Variants in CHRM2 observed in about 807,000 individuals in gnomAD.
CHRM2 encodes cholinergic receptor muscarinic 2.
In CHRM2, 8 loss-of-function variants were observed where a neutral mutation model predicts 25.0. The ratio of observed to expected loss-of-function variants is 0.32; its 90% CI spans 0.19 to 0.58. The LOEUF is 0.58. Ranked by LOEUF, CHRM2 falls within the 20% of genes least tolerant of loss-of-function variation. The pLI, the probability that CHRM2 is intolerant of heterozygous loss-of-function variation, is 0.88. For missense variants in CHRM2, 440 were observed against 567.1 expected (o/e 0.78, Z 2.28); for synonymous variants, 202 against 205.7 (o/e 0.98, Z 0.15).
chr7:136,916,574 G>A (rs567160545), intron 2 of CHRM2, among the ~76,000 whole-genome samples: 1 of 151,196 alleles, frequency 6.6e-6, no homozygotes, highest in South Asian at 2.1e-4. Flanking sequence ...CCGCTTCAAA[G>A]TTTATATTGT....
At chr7:136,988,831 G>A (rs1803029331) in intron 2 of CHRM2, among the ~76,000 whole-genome samples, 1 of 151,720 alleles carries the variant, frequency 6.6e-6, no homozygotes, top group African/African-American at 2.4e-5. Context: ...GTTGAATATT[G>A]GCAATTTTAT....
intron 3 of CHRM2, among the ~76,000 whole-genome samples, chr7:137,010,778 C>T (rs1272738796): frequency 6.6e-6 from 1 of 151,916 alleles, no homozygotes; most frequent in Non-Finnish European, 1.5e-5. Context: ...TGTGTTCTAC[C>T]TGAGTAAGAA....
rs767694809 is a variant in CHRM2 at position 137,015,386 on chromosome 7, G to C, written c.521G>C (p.Gly174Ala). The C allele has an allele frequency of 1.2e-6, 2 of 1,613,356 alleles. No homozygotes were observed. Among genetic ancestry groups the C allele is most frequent in the Admixed American group, 1.7e-5 (1 of 59,932 alleles). The change falls in exon 4 of 4, where the codon GGG becomes GCG. Residue 174 changes from glycine (G) to alanine (A), a missense_variant. This residue lies in a region of CHRM2 where 261 missense variants were observed against 261.8 expected (regional missense o/e 1.00). Transcript: ENST00000680005. This position sits in a 1 kb window ranked among gnomAD's most constrained non-coding sequence, Gnocchi z 5.1. ...GTAGGGGTGAGAACTGTGGAGGATG[G>C]GGAGTGCTACATTCAGTTTTTTTCC... ...FIVGVRTVEDGECYIQFFSNA... is the reference protein window; with the variant it reads ...FIVGVRTVEDAECYIQFFSNA...
At position 136,960,105 on chromosome 7, in the gene CHRM2, C is replaced by T. The variant is rs547751835; in HGVS notation, c.-124-32082C>T. Among the ~76,000 whole-genome samples the T allele has an allele frequency of 4.6e-5, 7 of 152,192 alleles. No individual in the cohort carries two copies. In the East Asian group the frequency reaches 1.4e-3, roughly 29 times the overall value. On this transcript the variant is annotated intron_variant, in intron 2 of 3. Transcript: ENST00000680005. Reference sequence around the variant, plus strand: ...CTAGAACTGGGCACCAAGCAAGCTGCGCCCCAACCTAAGAGGGGGCTAAAA... The same window carrying T: ...CTAGAACTGGGCACCAAGCAAGCTGTGCCCCAACCTAAGAGGGGGCTAAAA...
At chr7:136,892,106 C>G (rs1796713445) in intron 2 of CHRM2, among the ~76,000 whole-genome samples, 1 of 152,186 alleles carries the variant, frequency 6.6e-6, no homozygotes, top group Non-Finnish European at 1.5e-5. Flanking sequence ...AGATACAAAG[C>G]AAGCTCGAAT....
chr7:137,003,801 T>C (rs1804232074), intron 3 of CHRM2, among the ~76,000 whole-genome samples: 1 of 152,106 alleles, frequency 6.6e-6, no homozygotes, highest in Non-Finnish European at 1.5e-5. Context: ...CCCCACATGT[T>C]GTGGGAGGAA....
At chr7:136,880,062 A>G (rs1796204328) in intron 2 of CHRM2, among the ~76,000 whole-genome samples, 2 of 141,306 alleles carry the variant, frequency 1.4e-5, no homozygotes, top group Admixed American at 1.4e-4. Flanking sequence ...TTTTTTTTCC[A>G]CTTCCATTCC....
chr7:136,955,740 A>G (rs1014317979), intron 2 of CHRM2, among the ~76,000 whole-genome samples: 10 of 152,220 alleles, frequency 6.6e-5, no homozygotes, highest in African/African-American at 1.9e-4. Context: ...AGTCTGGAGC[A>G]TTCTCTATGC....
intron 2 of CHRM2, among the ~76,000 whole-genome samples, chr7:136,939,052 C>T (rs11767373): frequency 0.041 from 6,089 of 149,260 alleles, 179 homozygotes; most frequent in Non-Finnish European, 0.061. Context: ...GAAACCTTTG[C>T]TAGTCTCCTT....
intron 3 of CHRM2, among the ~76,000 whole-genome samples, chr7:136,994,444 T>C (rs1034546990): frequency 6.6e-6 from 1 of 151,972 alleles, no homozygotes; most frequent in Non-Finnish European, 1.5e-5. Flanking sequence ...CACATCAATT[T>C]CTTATTTGAT....
intron 2 of CHRM2, among the ~76,000 whole-genome samples, chr7:136,979,215 T>C (rs1036998035): frequency 6.6e-6 from 1 of 152,220 alleles, no homozygotes; most frequent in African/African-American, 2.4e-5. Flanking sequence ...TGATGAGCTG[T>C]TTTTCATGTT....
chr7:136,900,588 T>C (rs1393505473), intron 2 of CHRM2, among the ~76,000 whole-genome samples: 1 of 152,020 alleles, frequency 6.6e-6, no homozygotes. Context: ...AGGCTGCCAG[T>C]AAAAAGGTTT....
chr7:136,925,742 T>C (rs1213336709), intron 2 of CHRM2, among the ~76,000 whole-genome samples: 1 of 152,154 alleles, frequency 6.6e-6, no homozygotes, highest in Non-Finnish European at 1.5e-5. Context: ...CACTTTCAAG[T>C]CTCCTTATCT....
At chr7:137,001,546 C>A (rs1584906099) in intron 3 of CHRM2, among the ~76,000 whole-genome samples, 1 of 152,150 alleles carries the variant, frequency 6.6e-6, no homozygotes, top group East Asian at 1.9e-4. Context: ...ATTTCCTTCC[C>A]AACAGCCAAA....
intron 2 of CHRM2, among the ~76,000 whole-genome samples, chr7:136,976,148 G>A (rs781295265): frequency 1.3e-5 from 2 of 152,210 alleles, no homozygotes; most frequent in South Asian, 2.1e-4. Context: ...GTTGGGCTAC[G>A]GGCTAAGCAT....
At chr7:137,008,197 T>C (rs1298400472) in intron 3 of CHRM2, among the ~76,000 whole-genome samples, 1 of 152,114 alleles carries the variant, frequency 6.6e-6, no homozygotes, top group Non-Finnish European at 1.5e-5. Context: ...CACATCTCAT[T>C]CTTAAGGTGG....
intron 2 of CHRM2, among the ~76,000 whole-genome samples, chr7:136,897,262 A>G (rs1185649477): frequency 6.6e-6 from 1 of 152,100 alleles, no homozygotes; most frequent in Non-Finnish European, 1.5e-5. Flanking sequence ...TGAGGAAGCC[A>G]ATGCATATCT....
At chr7:136,890,797 G>A (rs1421737192) in intron 2 of CHRM2, among the ~76,000 whole-genome samples, 2 of 152,156 alleles carry the variant, frequency 1.3e-5, no homozygotes, top group Non-Finnish European at 2.9e-5. Flanking sequence ...ATGTGTATGT[G>A]TGAATTTGTG....
chr7:136,959,718 C>T (rs1046596418), intron 2 of CHRM2, among the ~76,000 whole-genome samples: 1 of 152,110 alleles, frequency 6.6e-6, no homozygotes, highest in African/African-American at 2.4e-5. Context: ...TCGAGACCAG[C>T]CTGACCAACA....
Sources: gnomAD v4.1 joint callset for allele counts (sites outside exome capture counted in the v4.1 genomes callset) on GRCh38, gnomAD v4.1.1 for gene constraint, gnomAD v4.1.1 regional missense constraint, Gnocchi (gnomAD v3.1) non-coding constraint, MANE v1.5 for transcripts, NCBI Gene and HGNC (gene_info 2026-07-23, HGNC 2026-07-21) for gene names.